The following CTIF variants were observed in gnomAD, a reference collection of about 807,000 sequenced individuals.
CTIF encodes cap binding complex dependent translation initiation factor, also known as CBP80/20-dependent translation initiation factor.
Under a neutral mutation model 66.0 loss-of-function variants are expected in CTIF, and 21 were observed. That is an observed-to-expected ratio of 0.32 (90% CI 0.23 to 0.46). The LOEUF (loss-of-function observed/expected upper bound fraction) is 0.46, where lower values mean the gene tolerates loss of function less well. CTIF is among the 20% of genes least tolerant of loss of function. CTIF has a pLI of 1.00. For synonymous variants in CTIF, 345 were observed against 326.4 expected, an observed-to-expected ratio of 1.06 and a Z score of -0.62; for missense variants, 739 against 812.7, an observed-to-expected ratio of 0.91 and a Z score of 1.10.
intron 5 of CTIF, among the ~76,000 whole-genome samples, chr18:48,665,063 C>T (rs190957): frequency 0.21 from 32,055 of 151,278 alleles, 3,674 homozygotes; most frequent in African/African-American, 0.28. Context: ...TACAGGCGCC[C>T]GCCACCGCGC....
intron 7 of CTIF, among the ~76,000 whole-genome samples, chr18:48,720,281 G>A (rs1406669565): frequency 6.6e-6 from 1 of 152,152 alleles, no homozygotes; most frequent in African/African-American, 2.4e-5. Context: ...GGGGACGGGG[G>A]GGATGCTTCT....
intron 7 of CTIF, among the ~76,000 whole-genome samples, chr18:48,711,902 G>A (rs2145487383): frequency 6.6e-6 from 1 of 152,286 alleles, no homozygotes; most frequent in East Asian, 1.9e-4. Flanking sequence ...CTAGGGATTG[G>A]CTCCCTTCAG....
chr18:48,734,474 G>C (rs2145693468), intron 7 of CTIF, among the ~76,000 whole-genome samples: 1 of 152,338 alleles, frequency 6.6e-6, no homozygotes. Flanking sequence ...GCTGAGGCAG[G>C]AGAATCGCTA....
chr18:48,576,340 A>G (rs2089530473), intron 1 of CTIF, among the ~76,000 whole-genome samples: 1 of 152,236 alleles, frequency 6.6e-6, no homozygotes, highest in South Asian at 2.1e-4. Flanking sequence ...GCAAAGCTGA[A>G]GAGATAGAAG....
chr18:48,759,193 C>T (rs1229085847), intron 8 of CTIF, among the ~76,000 whole-genome samples: 1 of 152,202 alleles, frequency 6.6e-6, no homozygotes, highest in African/African-American at 2.4e-5. Flanking sequence ...GACCCCACTG[C>T]CCAGCAGGGG....
chr18:48,840,548 C>T (rs575888938), intron 10 of CTIF, among the ~76,000 whole-genome samples: 4 of 152,264 alleles, frequency 2.6e-5, no homozygotes, highest in East Asian at 1.9e-4. Context: ...CTCTTATCTC[C>T]GAGTCTCTTA....
At chr18:48,714,002 TG>T (rs1229377320) in intron 7 of CTIF, among the ~76,000 whole-genome samples, 2 of 152,076 alleles carry the variant, frequency 1.3e-5, no homozygotes, top group East Asian at 3.9e-4. Flanking sequence ...CCTCAGGTGA[TG>T]GGGACTTTCA....
In CTIF at chr18:48,619,708, A is replaced by G; in HGVS notation, c.143A>G (p.Asp48Gly). The G allele has an allele frequency of 6.2e-7, 1 of 1,606,332 alleles. No homozygotes were observed. The highest frequency in any genetic ancestry group is 8.5e-7 in the Non-Finnish European group (1 of 1,176,750). The stretch of plus-strand genomic sequence containing the variant: ...CTGCTGGCTGACAAGACGGAGGGTG[A>G]TGGCGAGAGCGAGAGGACCCAGTCC... ...QGLLADKTEG[D>G]GESERTQSHI... The change falls in exon 2 of 12, where the codon GAT becomes GGT. Residue 48 changes from aspartate to glycine, a missense_variant. By Grantham distance (94) the Asp-to-Gly change is moderately conservative. This residue lies in a region of CTIF where 529 missense variants were observed against 520.3 expected (regional missense o/e 1.02). Transcript: ENST00000256413.
chr18:48,676,192 A>C (rs2091626489), intron 6 of CTIF, among the ~76,000 whole-genome samples: 1 of 152,174 alleles, frequency 6.6e-6, no homozygotes, highest in Non-Finnish European at 1.5e-5. Context: ...GTTCCCGGGC[A>C]CAGGGCCCTC....
chr18:48,642,340 G>A (rs1395172092), intron 3 of CTIF, among the ~76,000 whole-genome samples: 1 of 152,238 alleles, frequency 6.6e-6, no homozygotes, highest in African/African-American at 2.4e-5. Context: ...GTAGGGAGGT[G>A]TCTTGCAGGA....
At chr18:48,540,287 C>T (rs564004791) in intron 1 of CTIF, 3 of 142,030 alleles carry the variant, frequency 2.1e-5, no homozygotes, top group Non-Finnish European at 3.0e-5. Flanking sequence ...GCGAGTGACC[C>T]GAGAGGCCGT....
intron 2 of CTIF, 32 bp from the exon 3 acceptor site, chr18:48,636,582 G>A: frequency 6.7e-7 from 1 of 1,491,702 alleles, no homozygotes; most frequent in South Asian, 1.4e-5. Flanking sequence ...TGGCTGTCCT[G>A]CCGTCACTGA....
chr18:48,687,984 C>T (rs1222850702), intron 6 of CTIF, among the ~76,000 whole-genome samples: 3 of 152,334 alleles, frequency 2.0e-5, no homozygotes, highest in East Asian at 3.9e-4. Context: ...TCCTGAAAAC[C>T]GCTTGTGTAG....
chr18:48,825,480 A>G (rs1293575067), intron 10 of CTIF, among the ~76,000 whole-genome samples: 1 of 152,186 alleles, frequency 6.6e-6, no homozygotes, highest in African/African-American at 2.4e-5. Flanking sequence ...TTTTTGCGTG[A>G]GTGTGCATTC....
intron 1 of CTIF, among the ~76,000 whole-genome samples, chr18:48,609,112 A>G (rs1568070108): frequency 6.6e-6 from 1 of 152,234 alleles, no homozygotes; most frequent in Non-Finnish European, 1.5e-5. Context: ...AGAAGAGAGA[A>G]TGGATCTCTG....
intron 9 of CTIF, among the ~76,000 whole-genome samples, chr18:48,812,440 A>C (rs923688206): frequency 1.3e-5 from 2 of 152,090 alleles, no homozygotes; most frequent in Non-Finnish European, 2.9e-5. Flanking sequence ...TGAATTTTTA[A>C]CCTCAAATAA....
intron 10 of CTIF, among the ~76,000 whole-genome samples, chr18:48,829,479 A>G (rs993028167): frequency 6.6e-6 from 1 of 152,230 alleles, no homozygotes; most frequent in Non-Finnish European, 1.5e-5. Flanking sequence ...AAGTCAAAAT[A>G]TAAGCCTGCC....
At chr18:48,692,345 AAAAAC>A (rs2091941736) in intron 6 of CTIF, among the ~76,000 whole-genome samples, 2 of 151,138 alleles carry the variant, frequency 1.3e-5, no homozygotes, top group African/African-American at 4.9e-5. Context: ...AACAAAAAAA[AAAAAC>A]CACCCTTACT....
At chr18:48,623,706 G>A (rs1423186143) in intron 2 of CTIF, among the ~76,000 whole-genome samples, 2 of 152,188 alleles carry the variant, frequency 1.3e-5, no homozygotes, top group Non-Finnish European at 2.9e-5. Flanking sequence ...AGGGAGTGGA[G>A]AGGAATGTTG....
Sources: gnomAD v4.1 joint callset for allele counts (sites outside exome capture counted in the v4.1 genomes callset) on GRCh38, gnomAD v4.1.1 for gene constraint, gnomAD v4.1.1 regional missense constraint, MANE v1.5 for transcripts, NCBI Gene and HGNC (gene_info 2026-07-23, HGNC 2026-07-21) for gene names.